The following AKAP6 variants were observed in gnomAD, a reference collection of about 807,000 sequenced individuals.
AKAP6 encodes A-kinase anchoring protein 6.
A neutral mutation model predicts 188.5 loss-of-function variants in AKAP6; 58 were observed. The observed-to-expected ratio is 0.31, with a 90% CI of 0.25 to 0.38. AKAP6 has a LOEUF of 0.38. AKAP6 is among the 10% of genes least tolerant of loss of function. The probability of loss-of-function intolerance (pLI) is 1.00; values close to 1 mark genes in which losing one functional copy is unlikely to be tolerated. For synonymous variants in AKAP6, 989 were observed against 998.6 expected (o/e 0.99, Z 0.18); for missense variants, 2,710 against 2,740.0 (o/e 0.99, Z 0.24).
At chr14:32,647,176 A>G (rs1888019407) in intron 7 of AKAP6, among the ~76,000 whole-genome samples, 1 of 152,116 alleles carries the variant, frequency 6.6e-6, no homozygotes, top group Non-Finnish European at 1.5e-5. Context: ...TTATTATAAA[A>G]ATGAAATGTG....
chr14:32,430,610 C>T (rs761599138), intron 1 of AKAP6, among the ~76,000 whole-genome samples: 1 of 152,086 alleles, frequency 6.6e-6, no homozygotes, highest in Non-Finnish European at 1.5e-5. Flanking sequence ...TGCCCTGGCT[C>T]AGCATTCAGT....
chr14:32,825,291 G>C (rs1435559612), intron 13 of AKAP6, among the ~76,000 whole-genome samples: 1 of 152,114 alleles, frequency 6.6e-6, no homozygotes, highest in Non-Finnish European at 1.5e-5. Context: ...TTATGCTTCT[G>C]TCTAATGTAA....
chr14:32,699,005 T>C (rs767057471), intron 9 of AKAP6, among the ~76,000 whole-genome samples: 2 of 152,130 alleles, frequency 1.3e-5, no homozygotes, highest in Non-Finnish European at 2.9e-5. Context: ...ACCCCTTTCC[T>C]GGAGTATTTA....
chr14:32,371,226 T>C (rs1056718589), intron 1 of AKAP6, among the ~76,000 whole-genome samples: 5 of 152,136 alleles, frequency 3.3e-5, no homozygotes, highest in Non-Finnish European at 7.4e-5. Context: ...AACACACATA[T>C]GTCAAAAGTC....
intron 5 of AKAP6, among the ~76,000 whole-genome samples, chr14:32,589,874 C>G (rs925091784): frequency 2.6e-5 from 4 of 152,132 alleles, no homozygotes; most frequent in Non-Finnish European, 5.9e-5. Flanking sequence ...CATGCACAGG[C>G]TGAAGGACAC....
rs75291495 is a variant in AKAP6 at position 32,631,240 on chromosome 14, G to A, written c.2730+30448G>A. Among the ~76,000 whole-genome samples, 486 of 151,944 alleles carry A rather than the reference G, an allele frequency of 3.2e-3. 1 individual carries two copies. The highest frequency in any genetic ancestry group is 0.011 in the African/African-American group (461 of 41,474). On this transcript the variant is annotated intron_variant, in intron 7 of 13. Coordinates refer to ENST00000280979, the MANE Select transcript of AKAP6 (RefSeq NM_004274.5). Reference sequence around the variant, plus strand: ...TAAAAAATTATTCTTTGAGCGCCCCGTATATAAGATTAAGATTAGCACCCT... The same window carrying A: ...TAAAAAATTATTCTTTGAGCGCCCCATATATAAGATTAAGATTAGCACCCT...
chr14:32,512,062 A>G (rs1881289916), intron 2 of AKAP6, among the ~76,000 whole-genome samples: 1 of 152,098 alleles, frequency 6.6e-6, no homozygotes, highest in African/African-American at 2.4e-5. Flanking sequence ...ACTTGTAGAC[A>G]TTTGGATTTT....
chr14:32,644,093 G>A (rs570663411), intron 7 of AKAP6, among the ~76,000 whole-genome samples: 114 of 152,300 alleles, frequency 7.5e-4, no homozygotes, highest in Non-Finnish European at 1.2e-3. Flanking sequence ...AGGATGAGAC[G>A]TTTGCTGGAG....
intron 2 of AKAP6, among the ~76,000 whole-genome samples, chr14:32,523,091 A>G (rs4981981): frequency 0.29 from 43,076 of 148,592 alleles, 6,226 homozygotes; most frequent in African/African-American, 0.34. Context: ...AAAACCAAAC[A>G]CCGCATGTTC....
chr14:32,598,542 C>T (rs778621494), intron 5 of AKAP6, among the ~76,000 whole-genome samples: 1 of 152,230 alleles, frequency 6.6e-6, no homozygotes, highest in South Asian at 2.1e-4. Context: ...ATCTATTGAA[C>T]AACTTGTATG....
intron 9 of AKAP6, chr14:32,718,306 T>A: frequency 4.1e-6 from 4 of 985,368 alleles, no homozygotes; most frequent in Non-Finnish European, 4.8e-6. Context: ...TTTCTGAGGC[T>A]GCAGCAGCAG....
Position 32,545,497 on chromosome 14 carries a change from A to G in AKAP6, c.844A>G (p.Ile282Val), listed in dbSNP as rs1046140533. 3 of 1,614,202 alleles carry G rather than the reference A, an allele frequency of 1.9e-6. No individual in the cohort carries two copies. The highest frequency in any genetic ancestry group is 2.2e-5 in the East Asian group (1 of 44,882). Residue 282 changes from isoleucine to valine, a missense_variant, in exon 4 of 14, where the codon ATC (isoleucine) becomes GTC (valine). Ile to Val is a conservative substitution (Grantham distance 29). This residue lies in a region of AKAP6 where 2,473 missense variants were observed against 2,426.1 expected (regional missense o/e 1.02). Transcript: ENST00000280979. ...TTTACTTACGGTAGCTGCTGACTCTATCTCTACCAATGGCAGTGAAGCAGT... is the reference window on the plus strand; with the variant it reads ...TTTACTTACGGTAGCTGCTGACTCTGTCTCTACCAATGGCAGTGAAGCAGT... ...VGLLTVAADS[I>V]STNGSEAVTE...
intron 12 of AKAP6, among the ~76,000 whole-genome samples, chr14:32,809,083 A>G (rs867462752): frequency 2.0e-5 from 3 of 152,252 alleles, no homozygotes; most frequent in African/African-American, 7.2e-5. Context: ...TATAATGAGC[A>G]TGCTGCCCAT....
chr14:32,572,591 A>G (rs1242057490), intron 4 of AKAP6, among the ~76,000 whole-genome samples: 1 of 152,226 alleles, frequency 6.6e-6, no homozygotes, highest in East Asian at 1.9e-4. Context: ...AGTTAGGAAA[A>G]GAAATAATGA....
intron 11 of AKAP6, among the ~76,000 whole-genome samples, chr14:32,754,935 T>A (rs2032276704): frequency 6.6e-6 from 1 of 152,250 alleles, no homozygotes; most frequent in Admixed American, 6.5e-5. Context: ...ATTCTCTCTT[T>A]GTCTTTGACT....
intron 7 of AKAP6, among the ~76,000 whole-genome samples, chr14:32,670,849 C>T (rs986999561): frequency 4.6e-5 from 7 of 152,038 alleles, no homozygotes; most frequent in African/African-American, 1.7e-4. Context: ...TAAAATGAAG[C>T]TGAGGCTTCA....
At chr14:32,431,139 T>G (rs1375109638) in intron 1 of AKAP6, among the ~76,000 whole-genome samples, 1 of 152,084 alleles carries the variant, frequency 6.6e-6, no homozygotes, top group Non-Finnish European at 1.5e-5. Flanking sequence ...GGAATCAGCC[T>G]GAGGCTGGGG....
At chr14:32,673,201 TG>T (rs1277484151) in intron 7 of AKAP6, among the ~76,000 whole-genome samples, 1 of 152,210 alleles carries the variant, frequency 6.6e-6, no homozygotes. Flanking sequence ...ATGCCACTTC[TG>T]TCAAGCCTCT....
intron 11 of AKAP6, among the ~76,000 whole-genome samples, chr14:32,750,017 A>C (rs1251598440): frequency 6.6e-6 from 1 of 152,206 alleles, no homozygotes; most frequent in Non-Finnish European, 1.5e-5. Flanking sequence ...AAGAATATTA[A>C]GCCCATTCAT....
Sources: allele counts gnomAD v4.1 joint callset (sites outside exome capture counted in the v4.1 genomes callset), GRCh38; gene constraint gnomAD v4.1.1; regional missense constraint gnomAD v4.1.1; transcripts MANE v1.5; gene names NCBI Gene and HGNC (gene_info 2026-07-23, HGNC 2026-07-21).